KLHL32: variants seen among roughly 807,000 people sequenced by gnomAD.
The protein encoded by KLHL32 is kelch like family member 32, also known as kelch-like protein 32.
A neutral mutation model predicts 64.8 loss-of-function variants in KLHL32; 35 were observed. The ratio of observed to expected loss-of-function variants is 0.54; its 90% confidence interval spans 0.41 to 0.72. The LOEUF (loss-of-function observed/expected upper bound fraction) is 0.72, where lower values mean the gene tolerates loss of function less well. Among genes scored for constraint, KLHL32 ranks in the 30% least tolerant of loss-of-function variants. The pLI is 0.00. For missense variants in KLHL32, 589 were observed against 768.5 expected (o/e 0.77, Z 2.76); for synonymous variants, 259 against 281.0 (o/e 0.92, Z 0.78).
In KLHL32 at chr6:97,114,191, G is replaced by T; in HGVS notation, c.1036G>T (p.Asp346Tyr). ...RSHHCVAVMG[D>Y]FLFVAGGEVE... ...CCACCATTGTGTGGCAGTCATGGGGGACTTCCTGTTTGTGGCAGGAGGGGA... is the reference window on the plus strand; with the variant it reads ...CCACCATTGTGTGGCAGTCATGGGGTACTTCCTGTTTGTGGCAGGAGGGGA... Residue 346 changes from aspartate (D) to tyrosine (Y), a missense_variant, in exon 7 of 11, where the codon GAC becomes TAC. Coordinates refer to ENST00000369261, the MANE Select transcript of KLHL32 (RefSeq NM_052904.4). 2 of 1,614,186 alleles carry T rather than the reference G, an allele frequency of 1.2e-6. No individual in the cohort carries two copies. Among genetic ancestry groups the T allele is most frequent in the Admixed American group, 3.3e-5 (2 of 60,020 alleles).
At chr6:97,103,077 A>G (rs1426151681) in intron 6 of KLHL32, among the ~76,000 whole-genome samples, 1 of 151,846 alleles carries the variant, frequency 6.6e-6, no homozygotes, top group Admixed American at 6.6e-5. Context: ...ATAGAAATAT[A>G]AATATGCCCA....
chr6:97,085,379 A>G, intron 6 of KLHL32, 38 bp downstream of exon 6: 1 of 1,556,540 alleles, frequency 6.4e-7, no homozygotes. Context: ...GGCACTGAAA[A>G]AGCATGCCGT....
intron 1 of KLHL32, among the ~76,000 whole-genome samples, chr6:96,960,538 T>G (rs1562193968): frequency 6.6e-6 from 1 of 152,212 alleles, no homozygotes; most frequent in Non-Finnish European, 1.5e-5. Context: ...AGTATTACAC[T>G]AAAACATTAT....
At chr6:96,907,113 T>C in the KLHL32 span, among the ~76,000 whole-genome samples, 3 of 152,242 alleles carry the variant, frequency 2.0e-5, no homozygotes, top group Non-Finnish European at 4.4e-5. Context: ...AGAGAGAATC[T>C]TGTTATTTAG....
chr6:97,132,874 A>G, intron 10 of KLHL32, 127 bp downstream of exon 10: 1 of 612,688 alleles, frequency 1.6e-6, no homozygotes, highest in East Asian at 3.0e-5. Flanking sequence ...TTTTTGTGCA[A>G]CTAGTTCAGC....
chr6:97,069,400 C>CTT (rs199967868), intron 5 of KLHL32, among the ~76,000 whole-genome samples: 260 of 134,540 alleles, frequency 1.9e-3, no homozygotes, highest in African/African-American at 5.8e-3. Flanking sequence ...GATTTTGTTC[C>CTT]TTTTTTTTTT....
intron 3 of KLHL32, among the ~76,000 whole-genome samples, chr6:96,999,033 T>G (rs780212601): frequency 8.5e-5 from 13 of 152,172 alleles, no homozygotes; most frequent in Non-Finnish European, 1.5e-4. Flanking sequence ...GAAAAAAAAT[T>G]TAAGGAGGCA....
At chr6:97,065,479 G>A (rs1789600925) in intron 5 of KLHL32, among the ~76,000 whole-genome samples, 1 of 152,152 alleles carries the variant, frequency 6.6e-6, no homozygotes, top group Non-Finnish European at 1.5e-5. Flanking sequence ...AGTCTGTGGG[G>A]CATCTTAGGC....
intron 8 of KLHL32, among the ~76,000 whole-genome samples, chr6:97,130,483 C>T (rs1007493490): frequency 6.6e-6 from 1 of 152,124 alleles, no homozygotes; most frequent in Admixed American, 6.6e-5. Flanking sequence ...TTTCAATGTT[C>T]CCCTGATGTA....
chr6:96,950,467 G>A (rs1772439032), intron 1 of KLHL32, among the ~76,000 whole-genome samples: 1 of 151,206 alleles, frequency 6.6e-6, no homozygotes, highest in Non-Finnish European at 1.5e-5. Flanking sequence ...GGAAAATTAT[G>A]CTCTAAGTGA....
At chr6:96,955,264 G>A (rs957954769) in intron 1 of KLHL32, among the ~76,000 whole-genome samples, 1 of 152,094 alleles carries the variant, frequency 6.6e-6, no homozygotes, top group Admixed American at 6.6e-5. Flanking sequence ...GAGTCTTTTG[G>A]ATATATATTC....
chr6:97,038,997 G>A (rs1784700645), intron 3 of KLHL32, among the ~76,000 whole-genome samples: 1 of 151,468 alleles, frequency 6.6e-6, no homozygotes, highest in South Asian at 2.1e-4. Flanking sequence ...GGCTGAGGAA[G>A]GAGAATTGCT....
the KLHL32 span, among the ~76,000 whole-genome samples, chr6:96,918,564 A>G: frequency 6.6e-6 from 1 of 152,204 alleles, no homozygotes; most frequent in Non-Finnish European, 1.5e-5. Context: ...ATAGTGATGA[A>G]CTTTCTGTGA....
chr6:96,997,345 G>T (rs1314345510), intron 3 of KLHL32, among the ~76,000 whole-genome samples: 1 of 152,040 alleles, frequency 6.6e-6, no homozygotes, highest in Non-Finnish European at 1.5e-5. Context: ...GTGTCATGTG[G>T]GTGGGCCCTC....
At chr6:97,022,843 G>C (rs1782200794) in intron 3 of KLHL32, among the ~76,000 whole-genome samples, 1 of 152,114 alleles carries the variant, frequency 6.6e-6, no homozygotes, top group Non-Finnish European at 1.5e-5. Flanking sequence ...CCTGAGACTG[G>C]GTAATTTATA....
At chr6:97,018,857 A>T (rs536883127) in intron 3 of KLHL32, among the ~76,000 whole-genome samples, 2 of 152,376 alleles carry the variant, frequency 1.3e-5, no homozygotes, top group South Asian at 4.1e-4. Context: ...TGATAGAATC[A>T]TAAGGAGAAA....
rs552167861 is a variant in KLHL32 at position 97,026,063 on chromosome 6, A to G, written c.205-15429A>G. On this transcript the variant is annotated intron_variant, in intron 3 of 10. Coordinates refer to ENST00000369261, the MANE Select transcript of KLHL32 (RefSeq NM_052904.4). ...GATCAAGATGGGTAATATGTAAAAT[A>G]TAATTATATAAATTTTGAGAAATAA... Among the ~76,000 whole-genome samples, 42 of 152,156 alleles carry G rather than the reference A, an allele frequency of 2.8e-4. No homozygotes were observed. The South Asian group carries it at 8.3e-3, about 30-fold the overall frequency.
intron 4 of KLHL32, among the ~76,000 whole-genome samples, chr6:97,062,943 G>C (rs1789149493): frequency 6.6e-6 from 1 of 152,160 alleles, no homozygotes; most frequent in South Asian, 2.1e-4. Context: ...GTATATGAGG[G>C]AGTGGCCCAG....
intron 7 of KLHL32, among the ~76,000 whole-genome samples, chr6:97,116,825 A>C (rs1797849150): frequency 1.3e-5 from 2 of 152,126 alleles, no homozygotes; most frequent in South Asian, 4.1e-4. Context: ...ACAGATCCTT[A>C]TTGCTATCTC....
Sources: gnomAD v4.1 joint callset for allele counts (sites outside exome capture counted in the v4.1 genomes callset) on GRCh38, gnomAD v4.1.1 for gene constraint, MANE v1.5 for transcripts, NCBI Gene and HGNC (gene_info 2026-07-23, HGNC 2026-07-21) for gene names.